ARHGEF3: variants seen among roughly 807,000 people sequenced by gnomAD.
ARHGEF3 encodes the protein 59.8 kDA protein.
Under a neutral mutation model 63.2 loss-of-function variants are expected in ARHGEF3, and 28 were observed. That is an observed-to-expected ratio of 0.44 (90% CI 0.33 to 0.61). ARHGEF3 has a LOEUF of 0.61. ARHGEF3 is among the 20% of genes least tolerant of loss of function. The pLI is 0.03. For missense variants in ARHGEF3, 533 were observed against 659.3 expected, an observed-to-expected ratio of 0.81 and a Z score of 2.10; for synonymous variants, 266 against 254.2, an observed-to-expected ratio of 1.05 and a Z score of -0.44.
chr3:56,739,243 T>C (rs2033844566), intron 7 of ARHGEF3, among the ~76,000 whole-genome samples: 1 of 152,174 alleles, frequency 6.6e-6, no homozygotes, highest in Non-Finnish European at 1.5e-5. Context: ...CAAATGTTGA[T>C]AAGGCCTCTT....
intron 4 of ARHGEF3, among the ~76,000 whole-genome samples, chr3:56,753,013 T>C (rs913089986): frequency 7.2e-5 from 11 of 152,178 alleles, no homozygotes; most frequent in African/African-American, 2.7e-4. Flanking sequence ...AGGTTTGTTG[T>C]CCTCCTCCTC....
intron 2 of ARHGEF3, among the ~76,000 whole-genome samples, chr3:57,033,940 G>C (rs1703841726): frequency 6.6e-6 from 1 of 151,962 alleles, no homozygotes; most frequent in African/African-American, 2.4e-5. Context: ...AGCTACTCAG[G>C]AGGCTGAGGC....
chr3:56,841,186 A>C (rs2039296867), intron 4 of ARHGEF3, among the ~76,000 whole-genome samples: 1 of 152,188 alleles, frequency 6.6e-6, no homozygotes, highest in Non-Finnish European at 1.5e-5. Context: ...GTGACATCTC[A>C]ATGCAAGAGT....
At chr3:57,071,759 A>G (rs1371057212) in intron 1 of ARHGEF3, among the ~76,000 whole-genome samples, 1 of 152,210 alleles carries the variant, frequency 6.6e-6, no homozygotes, top group Non-Finnish European at 1.5e-5. Context: ...GAAACCCAAG[A>G]AAAATAGATA....
At chr3:56,893,663 C>G (rs774901161) in intron 3 of ARHGEF3, among the ~76,000 whole-genome samples, 2 of 151,766 alleles carry the variant, frequency 1.3e-5, no homozygotes, top group African/African-American at 4.8e-5. Context: ...AAAATTAGCC[C>G]GGCATGGTGG....
Position 56,870,850 on chromosome 3 carries a change from G to A in ARHGEF3, c.192+11442C>T, listed in dbSNP as rs144941706. ...ACAAGGCATTCCTCCTTTTGCTTTCGGAGGATGCCCTATTCTGTAACTGAA... is the reference window on the plus strand; with the variant it reads ...ACAAGGCATTCCTCCTTTTGCTTTCAGAGGATGCCCTATTCTGTAACTGAA... On this transcript the variant is annotated intron_variant, in intron 4 of 12. Transcript: ENST00000338458. Among the ~76,000 whole-genome samples, 239 of 151,852 alleles carry A rather than the reference G, an allele frequency of 1.6e-3. 1 individual carries two copies. The highest frequency in any genetic ancestry group is 5.5e-3 in the African/African-American group (226 of 41,422).
chr3:56,934,736 C>T (rs957825512), intron 3 of ARHGEF3, among the ~76,000 whole-genome samples: 1 of 152,254 alleles, frequency 6.6e-6, no homozygotes, highest in Non-Finnish European at 1.5e-5. Context: ...CCCGCCGTGC[C>T]TGAGCCTCCC....
At chr3:56,876,106 T>C (rs7647892) in intron 4 of ARHGEF3, among the ~76,000 whole-genome samples, 149,270 of 152,298 alleles carry the variant, frequency 0.98, 73,216 homozygotes, top group East Asian at 1. Context: ...GGGAGAATAG[T>C]ATGTGCAGAG....
intron 2 of ARHGEF3, among the ~76,000 whole-genome samples, chr3:56,966,823 C>T (rs76273124): frequency 8.6e-5 from 13 of 151,512 alleles, no homozygotes; most frequent in African/African-American, 2.7e-4. Context: ...AACCATTCTC[C>T]ACCCTCTGTC....
chr3:56,961,007 C>T (rs4627730), intron 2 of ARHGEF3, among the ~76,000 whole-genome samples: 17,549 of 152,182 alleles, frequency 0.12, 1,272 homozygotes, highest in East Asian at 0.25. Context: ...CTTTATCTTA[C>T]ATGTTGCAAT....
intron 1 of ARHGEF3, among the ~76,000 whole-genome samples, chr3:57,063,671 G>C (rs1167860912): frequency 6.6e-6 from 1 of 152,186 alleles, no homozygotes; most frequent in Non-Finnish European, 1.5e-5. Flanking sequence ...GTGAGACAAG[G>C]CTTCGAGGAA....
chr3:56,788,898 T>A (rs756282044), intron 1 of ARHGEF3, among the ~76,000 whole-genome samples: 2 of 152,162 alleles, frequency 1.3e-5, no homozygotes, highest in Non-Finnish European at 2.9e-5. Flanking sequence ...TTAAAAATAA[T>A]AATGCCCAAT....
At chr3:56,860,955 T>C (rs1276543185) in intron 4 of ARHGEF3, among the ~76,000 whole-genome samples, 1 of 152,030 alleles carries the variant, frequency 6.6e-6, no homozygotes, top group Non-Finnish European at 1.5e-5. Flanking sequence ...CCTTTATGAG[T>C]GGTCTCTAGG....
intron 3 of ARHGEF3, among the ~76,000 whole-genome samples, chr3:56,936,253 G>A (rs568144370): frequency 1.3e-5 from 2 of 152,118 alleles, no homozygotes; most frequent in South Asian, 4.1e-4. Context: ...GAGACACCGG[G>A]AGCAGAACCT....
rs73833773 is a variant in ARHGEF3 at position 56,916,580 on chromosome 3, G to C, written c.130-34226C>G. On this transcript the variant is annotated intron_variant, in intron 3 of 12. Transcript: ENST00000338458. ...CTGCTGCTTTTGCAGAGCACTCTTT[G>C]GGCATTCAAAGGTACACCAGAAGTT... 1,761 of 1,079,734 alleles carry C rather than the reference G, an allele frequency of 1.6e-3. 19 individuals are homozygous for C. In the African/African-American group the frequency reaches 0.025, roughly 15 times the overall value. The allele number at this position is 1,079,734 out of a possible 1,614,324, so 66.9% of individuals were successfully genotyped here.
intron 3 of ARHGEF3, among the ~76,000 whole-genome samples, chr3:56,902,525 C>T (rs112883576): frequency 0.016 from 2,422 of 152,262 alleles, 73 homozygotes; most frequent in Non-Finnish European, 0.021. Context: ...GTCTGAGAGA[C>T]ACAAAGATAC....
intron 3 of ARHGEF3, among the ~76,000 whole-genome samples, chr3:56,883,715 G>A (rs1044340453): frequency 6.6e-6 from 1 of 152,148 alleles, no homozygotes; most frequent in Non-Finnish European, 1.5e-5. Flanking sequence ...TGTTTCTTCA[G>A]TCCCTAACCT....
intron 3 of ARHGEF3, among the ~76,000 whole-genome samples, chr3:56,904,979 C>T (rs1349350027): frequency 6.6e-6 from 1 of 152,178 alleles, no homozygotes; most frequent in Non-Finnish European, 1.5e-5. Flanking sequence ...CTCTTTAATA[C>T]ACCGAATACT....
intron 8 of ARHGEF3, among the ~76,000 whole-genome samples, chr3:56,734,214 C>T (rs7427683): frequency 0.15 from 22,928 of 152,064 alleles, 1,960 homozygotes; most frequent in South Asian, 0.38. Flanking sequence ...ACTCTTCTCA[C>T]ACTTTGGAAA....
Sources: allele counts gnomAD v4.1 joint callset (sites outside exome capture counted in the v4.1 genomes callset), GRCh38; gene constraint gnomAD v4.1.1; transcripts MANE v1.5; gene names NCBI Gene and HGNC (gene_info 2026-07-23, HGNC 2026-07-21).